Variants in METTL8 observed in about 807,000 individuals in gnomAD.
The protein encoded by METTL8 is tRNA N(3)-cytidine methyltransferase METTL8, mitochondrial.
METTL8 carries 32 observed loss-of-function variants against 48.7 expected under a neutral mutation model. The observed-to-expected ratio is 0.66, with a 90% CI of 0.50 to 0.88. The LOEUF is 0.88. Among genes scored for constraint, METTL8 ranks in the 40% least tolerant of loss-of-function variants. METTL8 has a pLI of 0.00. For synonymous variants in METTL8, 136 were observed against 157.1 expected (o/e 0.87, Z 1.01); for missense variants, 464 against 474.4 (o/e 0.98, Z 0.20).
Position 171,324,130 on chromosome 2 carries a change from T to C in METTL8, c.*42A>G. The stretch of plus-strand genomic sequence containing the variant: ...CAATAGACTTACAGTAGTCCTTGAA[T>C]AGCACAGTCCTCTGGCTTTGTACCT... On this transcript the variant is annotated 3_prime_UTR_variant, in exon 10 of 10. Transcript: ENST00000375258. 6 of 1,366,900 alleles carry C rather than the reference T, an allele frequency of 4.4e-6. No homozygotes were observed. The highest frequency in any genetic ancestry group is 2.5e-5 in the East Asian group (1 of 39,876). 84.7% of individuals were successfully genotyped at this position (1,366,900 alleles called of 1,614,324 possible).
Position 171,321,284 on chromosome 2 carries a change from C to T in METTL8, c.*2888G>A, listed in dbSNP as rs1157210334. Reference sequence around the variant, plus strand: ...TCTTCCATTCCAGGAAGTGAAATTTCCTTCCACTCCAGGTTGGAGTGCAGT... The same window carrying T: ...TCTTCCATTCCAGGAAGTGAAATTTTCTTCCACTCCAGGTTGGAGTGCAGT... On this transcript the variant is annotated 3_prime_UTR_variant, in exon 10 of 10. Coordinates refer to ENST00000375258, the MANE Select transcript of METTL8 (RefSeq NM_001321154.2). The T allele has an allele frequency of 6.6e-6, 1 of 152,212 alleles. No individual in the cohort carries two copies. Among genetic ancestry groups the T allele is most frequent in the African/African-American group, 2.4e-5 (1 of 41,444 alleles). The allele number at this position is 152,212 out of a possible 1,614,324, so 9.4% of individuals were successfully genotyped here.
At chr2:171,369,174 C>T (rs1242371341) in intron 2 of METTL8, among the ~76,000 whole-genome samples, 1 of 150,886 alleles carries the variant, frequency 6.6e-6, no homozygotes, top group East Asian at 2.0e-4. Flanking sequence ...GGCATGGTGG[C>T]AGTCGCCTGT....
At position 171,415,349 on chromosome 2, in the gene METTL8, CTTTTTTT is replaced by C. The variant is rs762739077; in HGVS notation, c.-13+18527_-13+18533del. 4.3e-4 allele frequency among the ~76,000 whole-genome samples: 48 copies of C among 112,376 alleles called. 1 individual carries two copies. Among genetic ancestry groups the C allele is most frequent in the African/African-American group, 1.3e-3 (32 of 25,572 alleles). The allele number at this position is 112,376 out of a possible 152,430, so 73.7% of individuals were successfully genotyped here. ...TTTTCTTCTTAATATATCTCGAAAT[CTTTTTTT>C]TTTTTTTTTTTTTTTTGACAGAGTC... On this transcript the variant is annotated intron_variant, in intron 1 of 9. Transcript: ENST00000375258.
chr2:171,372,643 C>A (rs1459160670), intron 2 of METTL8, among the ~76,000 whole-genome samples: 3 of 151,974 alleles, frequency 2.0e-5, no homozygotes, highest in African/African-American at 7.3e-5. Context: ...CTCCCCACAC[C>A]CCACAACAGG....
At chr2:171,357,723 C>G (rs902583864) in intron 3 of METTL8, among the ~76,000 whole-genome samples, 1 of 150,882 alleles carries the variant, frequency 6.6e-6, no homozygotes, top group Non-Finnish European at 1.5e-5. Context: ...GAGACAGGTT[C>G]TCGCTCTGTC....
At chr2:171,368,771 G>T (rs955909937) in intron 2 of METTL8, among the ~76,000 whole-genome samples, 9 of 152,114 alleles carry the variant, frequency 5.9e-5, no homozygotes, top group African/African-American at 1.7e-4. Context: ...GCCCTGTGGA[G>T]CAGTCTTGTA....
Position 171,325,882 on chromosome 2 carries a change from T to TA in METTL8, c.991dup (p.Tyr331LeufsTer28). The TA allele has an allele frequency of 6.2e-7, 1 of 1,601,944 alleles. No individual in the cohort carries two copies. The highest frequency in any genetic ancestry group is 1.1e-5 in the South Asian group (1 of 89,390). ...TGCTCTGGTACCATCTCCTCGAACA[T>TA]AAAAATTTTCAGATAAACAATGTCC... On this transcript the variant is annotated frameshift_variant, in exon 9 of 10. Transcript: ENST00000375258. LOFTEE classifies it high-confidence loss of function.
chr2:171,318,202 C>G lies in METTL8; in HGVS notation c.*5970G>C, dbSNP rs1238765989. The G allele has an allele frequency of 6.6e-6, 1 of 152,182 alleles. No individual in the cohort carries two copies. Among genetic ancestry groups the G allele is most frequent in the African/African-American group, 2.4e-5 (1 of 41,440 alleles). The allele number at this position is 152,182 out of a possible 1,614,324, so 9.4% of individuals were successfully genotyped here. Reference sequence around the variant, plus strand: ...ATTTTACTTCTATTTATATTTATAACTACACCAAAGCCATCTTGCGGGTAC... The same window carrying G: ...ATTTTACTTCTATTTATATTTATAAGTACACCAAAGCCATCTTGCGGGTAC... On this transcript the variant is annotated 3_prime_UTR_variant, in exon 10 of 10. Coordinates refer to ENST00000375258, the MANE Select transcript of METTL8 (RefSeq NM_001321154.2).
At chr2:171,395,426 A>G (rs556447177) in intron 1 of METTL8, among the ~76,000 whole-genome samples, 1 of 152,340 alleles carries the variant, frequency 6.6e-6, no homozygotes, top group East Asian at 1.9e-4. Flanking sequence ...TTGGATTAAA[A>G]AAAGTAAGAC....
intron 2 of METTL8, among the ~76,000 whole-genome samples, chr2:171,389,958 T>C (rs1337905489): frequency 6.6e-6 from 1 of 152,214 alleles, no homozygotes; most frequent in Non-Finnish European, 1.5e-5. Flanking sequence ...AAGACTTTCA[T>C]AGCCAGAAAG....
At chr2:171,328,474 T>C (rs999400503) in intron 7 of METTL8, among the ~76,000 whole-genome samples, 4 of 152,168 alleles carry the variant, frequency 2.6e-5, no homozygotes, top group African/African-American at 7.2e-5. Context: ...TCTACTACTA[T>C]AGTCCTAAGT....
upstream of METTL8, chr2:171,434,291 G>T: frequency 1.7e-6 from 1 of 585,812 alleles, no homozygotes; most frequent in Non-Finnish European, 3.2e-6. Context: ...GGCTCCGGCC[G>T]GCCGCGCGGT....
intron 1 of METTL8, among the ~76,000 whole-genome samples, chr2:171,410,571 T>C (rs974657058): frequency 6.6e-6 from 1 of 152,224 alleles, no homozygotes; most frequent in Admixed American, 6.5e-5. Context: ...TCCCTTCAAA[T>C]AAGTGACTTT....
chr2:171,420,195 A>G (rs1691732368), intron 1 of METTL8, among the ~76,000 whole-genome samples: 1 of 152,206 alleles, frequency 6.6e-6, no homozygotes, highest in South Asian at 2.1e-4. Context: ...TACAAAAAAT[A>G]TAAAAATTTT....
intron 3 of METTL8, among the ~76,000 whole-genome samples, chr2:171,351,681 C>A (rs1372456053): frequency 1.3e-5 from 2 of 152,160 alleles, no homozygotes. Context: ...TCCTTCACAT[C>A]CCTTGTAATT....
chr2:171,348,083 C>G (rs558577088), intron 3 of METTL8, among the ~76,000 whole-genome samples: 7 of 152,272 alleles, frequency 4.6e-5, no homozygotes, highest in Non-Finnish European at 7.4e-5. Context: ...TTAGGCTCCC[C>G]AACTACTGTT....
At chr2:171,434,239 G>A (rs1693570864), upstream of METTL8, 2 of 461,194 alleles carry the variant, frequency 4.3e-6, no homozygotes, top group South Asian at 1.6e-5. Context: ...AAGCCGGGCT[G>A]CCTCACGAGG....
chr2:171,425,431 T>G (rs1337449421), intron 1 of METTL8, among the ~76,000 whole-genome samples: 1 of 152,218 alleles, frequency 6.6e-6, no homozygotes, highest in Non-Finnish European at 1.5e-5. Flanking sequence ...TACTTTTATG[T>G]AAGACCTCAT....
intron 3 of METTL8, among the ~76,000 whole-genome samples, chr2:171,339,929 T>C (rs143000840): frequency 2.6e-5 from 4 of 152,354 alleles, no homozygotes; most frequent in African/African-American, 7.2e-5. Context: ...CCAGGCGCGG[T>C]GGCTCATGCC....
Sources: gnomAD v4.1 joint callset for allele counts (sites outside exome capture counted in the v4.1 genomes callset) on GRCh38, gnomAD v4.1.1 for gene constraint, MANE v1.5 for transcripts, NCBI Gene and HGNC (gene_info 2026-07-23, HGNC 2026-07-21) for gene names.